Variants in RAP1GAP2 observed in about 807,000 individuals in gnomAD.
RAP1GAP2 encodes RAP1 GTPase activating protein 2, also known as rap1 GTPase-activating protein 2.
Under a neutral mutation model 95.0 loss-of-function variants are expected in RAP1GAP2, and 27 were observed. The ratio of observed to expected loss-of-function variants is 0.28; its 90% CI spans 0.21 to 0.39. RAP1GAP2 has a LOEUF of 0.39. Among genes scored for constraint, RAP1GAP2 ranks in the 10% least tolerant of loss-of-function variants. RAP1GAP2 has a pLI of 1.00. For synonymous variants in RAP1GAP2, 373 were observed against 380.9 expected (o/e 0.98, Z 0.24); for missense variants, 771 against 970.0 (o/e 0.79, Z 2.72).
intron 2 of RAP1GAP2, among the ~76,000 whole-genome samples, chr17:2,826,147 A>ATTTTTTTTTTTTTTT (rs71150901): frequency 3.9e-4 from 42 of 108,848 alleles, no homozygotes; most frequent in East Asian, 5.2e-4. Context: ...CGCCCAGCAA[A>ATTTTTTTTTTTTTTT]TTTTTTTTTT....
chr17:2,806,376 T>TTATTATTA (rs1555545388), intron 2 of RAP1GAP2, among the ~76,000 whole-genome samples: 2 of 139,942 alleles, frequency 1.4e-5, no homozygotes, highest in Non-Finnish European at 1.5e-5. Context: ...CTACAACCTT[T>TTATTATTA]TTATTATTAT....
intron 2 of RAP1GAP2, among the ~76,000 whole-genome samples, chr17:2,892,711 G>A (rs1014545014): frequency 1.3e-5 from 2 of 152,194 alleles, no homozygotes; most frequent in African/African-American, 4.8e-5. Flanking sequence ...CCTAGAGGTA[G>A]AGGTGGAAGC....
chr17:3,018,554 G>A lies in RAP1GAP2; in HGVS notation c.1632+356G>A, dbSNP rs548838230. On this transcript the variant is annotated intron_variant, in intron 18 of 24. Transcript: ENST00000254695. ...GGGCTCGGGACCCATGACTGTGAGA[G>A]GGGTGTCCTTGCTTTGTTATTATTA... 3.9e-5 allele frequency among the ~76,000 whole-genome samples: 6 copies of A among 152,256 alleles called. No homozygotes were observed. In the South Asian group the frequency reaches 1.0e-3, roughly 26 times the overall value.
rs140803040 is a variant in RAP1GAP2 at position 2,827,470 on chromosome 17, A to G, written c.80+26920A>G. On this transcript the variant is annotated intron_variant, in intron 2 of 24. Transcript: ENST00000254695. This position sits in a 1 kb window ranked among gnomAD's most constrained non-coding sequence, Gnocchi z 4.1. Reference sequence around the variant, plus strand: ...GAGGGTGGGGCTCGGGGCTGGGGGAAGGGGCTACCCTGGGTGGGTGGTCAG... The same window carrying G: ...GAGGGTGGGGCTCGGGGCTGGGGGAGGGGGCTACCCTGGGTGGGTGGTCAG... Among the ~76,000 whole-genome samples, 185 of 148,708 alleles carry G rather than the reference A, an allele frequency of 1.2e-3. 1 individual carries two copies. In the East Asian group the frequency reaches 0.033, roughly 26 times the overall value.
At chr17:2,872,319 A>T (rs1443641075) in intron 2 of RAP1GAP2, among the ~76,000 whole-genome samples, 1 of 150,976 alleles carries the variant, frequency 6.6e-6, no homozygotes, top group Non-Finnish European at 1.5e-5. Context: ...CTTTGGGAAT[A>T]GCAAGGGGTT....
chr17:2,800,688 C>G, intron 2 of RAP1GAP2, 138 bp downstream of exon 2: 1 of 943,998 alleles, frequency 1.1e-6, no homozygotes. Context: ...CATGGTGCTT[C>G]CAGATCGGAG....
intron 8 of RAP1GAP2, among the ~76,000 whole-genome samples, chr17:2,977,746 TAAAAAAA>T (rs35219186): frequency 1.3e-5 from 1 of 76,858 alleles, no homozygotes; most frequent in Non-Finnish European, 2.4e-5. Flanking sequence ...GACTCCGTCT[TAAAAAAA>T]AAAAAAAAAA....
chr17:2,957,915 C>A, intron 4 of RAP1GAP2, 121 bp downstream of exon 4: 2 of 1,064,850 alleles, frequency 1.9e-6, no homozygotes, highest in Non-Finnish European at 2.6e-6. Flanking sequence ...AGAGAAGAGA[C>A]AATTGCATCC....
chr17:2,849,490 G>A (rs1312602269), intron 2 of RAP1GAP2, among the ~76,000 whole-genome samples: 2 of 152,224 alleles, frequency 1.3e-5, no homozygotes, highest in East Asian at 3.8e-4. Flanking sequence ...TTTCTTCAGG[G>A]CCAGGCATGC....
At position 2,963,625 on chromosome 17, in the gene RAP1GAP2, G is replaced by C. The variant is rs1480243392; in HGVS notation, c.279+163G>C. 2.0e-5 allele frequency among the ~76,000 whole-genome samples: 3 copies of C among 152,198 alleles called. No individual in the cohort carries two copies. The highest frequency in any genetic ancestry group is 7.2e-5 in the African/African-American group (3 of 41,438). The stretch of plus-strand genomic sequence containing the variant: ...CTTTGTAACCTCAGCTTCTCCATGT[G>C]TTAAGTTGGGGGTGCTCATCTAGGC... On this transcript the variant is annotated intron_variant, in intron 6 of 24. Transcript: ENST00000254695. This position sits in a 1 kb window ranked among gnomAD's most constrained non-coding sequence, Gnocchi z 4.8.
intron 1 of RAP1GAP2, among the ~76,000 whole-genome samples, chr17:2,798,934 G>C (rs78854405): frequency 0.068 from 10,372 of 152,286 alleles, 403 homozygotes; most frequent in South Asian, 0.18. Flanking sequence ...CGGTTCCAGC[G>C]GTTCCAGCGC....
Position 3,004,382 on chromosome 17 carries a change from C to T in RAP1GAP2, c.1201-987C>T, listed in dbSNP as rs576195952. 5.4e-4 allele frequency among the ~76,000 whole-genome samples: 83 copies of T among 152,374 alleles called. No individual in the cohort carries two copies. Among genetic ancestry groups the T allele is most frequent in the Non-Finnish European group, 1.1e-3 (73 of 68,026 alleles). ...GGCTCGGTGCCCAGCTGCCTGCTCACCCGGCCTGGCAGACTCTGCATCTGC... is the reference window on the plus strand; with the variant it reads ...GGCTCGGTGCCCAGCTGCCTGCTCATCCGGCCTGGCAGACTCTGCATCTGC... On this transcript the variant is annotated intron_variant, in intron 14 of 24. Transcript: ENST00000254695. This position sits in a 1 kb window ranked among gnomAD's most constrained non-coding sequence, Gnocchi z 4.1.
chr17:2,977,732 G>C (rs1305283323), intron 8 of RAP1GAP2, among the ~76,000 whole-genome samples: 1 of 133,916 alleles, frequency 7.5e-6, no homozygotes, highest in African/African-American at 2.9e-5. Context: ...GCGACAGAGT[G>C]AGAGACTCCG....
intron 2 of RAP1GAP2, among the ~76,000 whole-genome samples, chr17:2,826,736 G>A (rs9674692): frequency 2.0e-5 from 3 of 151,930 alleles, no homozygotes; most frequent in African/African-American, 4.8e-5. Flanking sequence ...GGCCGGGCGC[G>A]GTGGCTCACG....
intron 3 of RAP1GAP2, among the ~76,000 whole-genome samples, chr17:2,927,438 C>G (rs1035432817): frequency 6.6e-6 from 1 of 152,318 alleles, no homozygotes; most frequent in East Asian, 1.9e-4. Flanking sequence ...CAGGCGTGAG[C>G]CACCGCGCCC....
At chr17:2,974,349 A>C (rs934189439) in intron 8 of RAP1GAP2, among the ~76,000 whole-genome samples, 1 of 121,454 alleles carries the variant, frequency 8.2e-6, no homozygotes, top group Non-Finnish European at 1.5e-5. Context: ...ATTCCATCTC[A>C]AAAAAAAAAA....
At chr17:2,895,841 G>A (rs940129977) in intron 2 of RAP1GAP2, among the ~76,000 whole-genome samples, 21 of 152,230 alleles carry the variant, frequency 1.4e-4, no homozygotes, top group Admixed American at 1.2e-3. Context: ...GCCTCCCAAA[G>A]TGCTGGGATT....
At chr17:2,926,410 T>C (rs1209051666) in intron 3 of RAP1GAP2, among the ~76,000 whole-genome samples, 1 of 152,144 alleles carries the variant, frequency 6.6e-6, no homozygotes, top group Non-Finnish European at 1.5e-5. Context: ...GAGGAGCAGC[T>C]CAGAGCTTCA....
At chr17:2,884,329 G>A (rs905301415) in intron 2 of RAP1GAP2, among the ~76,000 whole-genome samples, 3 of 151,656 alleles carry the variant, frequency 2.0e-5, no homozygotes, top group Non-Finnish European at 2.9e-5. Context: ...GTGAATGGGC[G>A]AGACGGGTCG....
Sources: allele counts gnomAD v4.1 joint callset (sites outside exome capture counted in the v4.1 genomes callset), GRCh38; gene constraint gnomAD v4.1.1; non-coding constraint Gnocchi (gnomAD v3.1); transcripts MANE v1.5; gene names NCBI Gene and HGNC (gene_info 2026-07-23, HGNC 2026-07-21).